RAPGEF2: variants seen among roughly 807,000 people sequenced by gnomAD.
RAPGEF2 encodes the protein PDZ domain containing guanine nucleotide exchange factor (GEF) 1.
RAPGEF2 carries 54 observed loss-of-function variants against 186.7 expected under a neutral mutation model. The observed-to-expected ratio is 0.29, with a 90% CI of 0.23 to 0.36. RAPGEF2 has a LOEUF of 0.36. Ranked by LOEUF, RAPGEF2 falls within the 10% of genes least tolerant of loss-of-function variation. RAPGEF2 has a pLI of 1.00. For missense variants in RAPGEF2, 1,532 were observed against 2,045.0 expected (o/e 0.75, Z 4.84); for synonymous variants, 712 against 705.9 (o/e 1.01, Z -0.14).
At chr4:159,110,853 C>G (rs1365269272) in intron 1 of RAPGEF2, among the ~76,000 whole-genome samples, 2 of 152,040 alleles carry the variant, frequency 1.3e-5, no homozygotes, top group Non-Finnish European at 2.9e-5. Flanking sequence ...TTAGGAGAAG[C>G]AATCTGTAGT....
At chr4:159,334,171 A>G (rs1286609776) in intron 17 of RAPGEF2, among the ~76,000 whole-genome samples, 3 of 152,232 alleles carry the variant, frequency 2.0e-5, no homozygotes, top group Non-Finnish European at 4.4e-5. Context: ...ATACGAATCA[A>G]TTTTTAAAAT....
intron 7 of RAPGEF2, among the ~76,000 whole-genome samples, chr4:159,275,355 G>A (rs1317641413): frequency 1.3e-5 from 2 of 152,006 alleles, no homozygotes; most frequent in Non-Finnish European, 2.9e-5. Context: ...GTGACAGCCT[G>A]AAAAATTTCT....
At chr4:159,335,835 CAAAAAAAAAAAA>C (rs778302629) in intron 17 of RAPGEF2, among the ~76,000 whole-genome samples, 18 of 48,156 alleles carry the variant, frequency 3.7e-4, no homozygotes, top group African/African-American at 1.0e-3. Context: ...GACTCCGTCT[CAAAAAAAAAAAA>C]AAAAAAAAAA....
intron 5 of RAPGEF2, 52 bp downstream of exon 5, chr4:159,238,936 A>G (rs1753620716): frequency 1.6e-6 from 2 of 1,266,842 alleles, no homozygotes; most frequent in Admixed American, 3.3e-5. Context: ...TGTATGAAAT[A>G]AAGGCATTTT....
At chr4:159,244,438 C>T (rs1158298897) in intron 7 of RAPGEF2, among the ~76,000 whole-genome samples, 1 of 151,822 alleles carries the variant, frequency 6.6e-6, no homozygotes, top group Non-Finnish European at 1.5e-5. Flanking sequence ...CAGTACATGA[C>T]TAAGTACTAT....
chr4:159,291,254 G>A (rs898056466), intron 7 of RAPGEF2, among the ~76,000 whole-genome samples: 1 of 152,144 alleles, frequency 6.6e-6, no homozygotes, highest in Non-Finnish European at 1.5e-5. Flanking sequence ...TCCTGTGTAT[G>A]TGTGAATATA....
At chr4:159,273,644 T>G (rs1416763250) in intron 7 of RAPGEF2, among the ~76,000 whole-genome samples, 1 of 132,398 alleles carries the variant, frequency 7.6e-6, no homozygotes, top group African/African-American at 2.9e-5. Context: ...CTTTCTTTCT[T>G]TCTTTCTTTC....
At chr4:159,260,882 G>A (rs1315924098) in intron 7 of RAPGEF2, among the ~76,000 whole-genome samples, 7 of 152,074 alleles carry the variant, frequency 4.6e-5, no homozygotes, top group East Asian at 3.9e-4. Context: ...CCAAGTAGCC[G>A]GGATTACAGG....
At chr4:159,259,655 A>G (rs1217586877) in intron 7 of RAPGEF2, among the ~76,000 whole-genome samples, 1 of 152,214 alleles carries the variant, frequency 6.6e-6, no homozygotes, top group Non-Finnish European at 1.5e-5. Context: ...TGTAGGTATG[A>G]CTGTTTAATG....
chr4:159,245,135 T>C (rs1754476101), intron 7 of RAPGEF2, among the ~76,000 whole-genome samples: 1 of 152,070 alleles, frequency 6.6e-6, no homozygotes, highest in Admixed American at 6.5e-5. Flanking sequence ...ATGTATACTT[T>C]AATGTACACT....
rs376159380 is a variant in RAPGEF2 at position 159,106,930 on chromosome 4, A to G, written c.69+2699A>G. Among the ~76,000 whole-genome samples the G allele has an allele frequency of 2.4e-4, 37 of 152,290 alleles. No homozygotes were observed. The Middle Eastern group carries it at 0.01, about 42-fold the overall frequency. On this transcript the variant is annotated intron_variant, in intron 1 of 29. Coordinates refer to ENST00000691494, the MANE Select transcript of RAPGEF2 (RefSeq NM_001394067.2). ...TTTTCATGTCCACCTGCACAATGGA[A>G]ACGCATTTCAGTTATATCTTTAGAG...
rs1179351679 is a variant in RAPGEF2 at position 159,352,794 on chromosome 4, A to G, written c.3975A>G (p.Pro1325=). ...IVSNSSFDSV[P]VSLHDERRQR... ...GCAATTCGTCTTTTGACTCAGTGCC[A>G]GTCTCACTGCACGATGAGAGGCGCC... The change falls in exon 27 of 30, where the codon CCA becomes CCG. Residue 1325 remains proline, a synonymous_variant. Transcript: ENST00000691494. 1.2e-6 allele frequency: 2 copies of G among 1,614,212 alleles called. No homozygotes were observed. Among genetic ancestry groups the G allele is most frequent in the African/African-American group, 1.3e-5 (1 of 75,060 alleles).
Position 159,331,725 on chromosome 4 carries a change from T to C in RAPGEF2, c.1671T>C (p.Pro557=). 1.2e-6 allele frequency: 2 copies of C among 1,614,138 alleles called. No homozygotes were observed. The highest frequency in any genetic ancestry group is 1.7e-6 in the Non-Finnish European group (2 of 1,180,000). The change falls in exon 15 of 30, where the codon CCT becomes CCC. Residue 557 remains proline, a synonymous_variant. Coordinates refer to ENST00000691494, the MANE Select transcript of RAPGEF2 (RefSeq NM_001394067.2). ...MTLTKPSREA[P]LPFILLGGSE... is the part of the protein sequence containing the mutation. ...TAACAAAACCATCCCGAGAAGCTCC[T>C]TTGCCTTTTATCTTACTTGGAGGCT...
At chr4:159,188,217 T>C (rs1443997685) in intron 2 of RAPGEF2, among the ~76,000 whole-genome samples, 1 of 152,236 alleles carries the variant, frequency 6.6e-6, no homozygotes, top group Non-Finnish European at 1.5e-5. Flanking sequence ...CTAATTAATA[T>C]GTAAATACAA....
chr4:159,115,940 G>C (rs1053563267), intron 1 of RAPGEF2, among the ~76,000 whole-genome samples: 1 of 152,070 alleles, frequency 6.6e-6, no homozygotes, highest in Admixed American at 6.6e-5. Flanking sequence ...ATTAACTCAA[G>C]ATGGATTAAA....
chr4:159,302,621 A>C (rs558108794), intron 7 of RAPGEF2, among the ~76,000 whole-genome samples: 1 of 152,276 alleles, frequency 6.6e-6, no homozygotes, highest in African/African-American at 2.4e-5. Flanking sequence ...ACATATCTGC[A>C]AACTTCTATC....
chr4:159,348,398 G>A (rs1364055333), intron 25 of RAPGEF2, among the ~76,000 whole-genome samples: 1 of 152,148 alleles, frequency 6.6e-6, no homozygotes, highest in Admixed American at 6.5e-5. Context: ...TTGGGTGAGA[G>A]TCATTTCGTA....
chr4:159,151,479 G>T (rs1743524065), intron 1 of RAPGEF2, among the ~76,000 whole-genome samples: 1 of 152,178 alleles, frequency 6.6e-6, no homozygotes. Context: ...TTGGGTTCTT[G>T]AGAAAATTTT....
At chr4:159,137,362 G>T (rs866321195) in intron 1 of RAPGEF2, among the ~76,000 whole-genome samples, 54 of 152,302 alleles carry the variant, frequency 3.5e-4, no homozygotes, top group African/African-American at 1.3e-3. Context: ...GAGGGGAAAT[G>T]TAGGAGGAGC....
Sources: gnomAD v4.1 joint callset for allele counts (sites outside exome capture counted in the v4.1 genomes callset) on GRCh38, gnomAD v4.1.1 for gene constraint, MANE v1.5 for transcripts, NCBI Gene and HGNC (gene_info 2026-07-23, HGNC 2026-07-21) for gene names.